PAK2: variants seen among roughly 807,000 people sequenced by gnomAD.
PAK2 encodes the protein serine/threonine-protein kinase PAK 2.
A neutral mutation model predicts 65.9 loss-of-function variants in PAK2; 21 were observed. The observed-to-expected ratio is 0.32, with a 90% CI of 0.23 to 0.46. The LOEUF is 0.46. PAK2 is among the 20% of genes least tolerant of loss of function. The pLI is 1.00. For synonymous variants in PAK2, 204 were observed against 219.7 expected, an observed-to-expected ratio of 0.93 and a Z score of 0.63; for missense variants, 324 against 642.6, an observed-to-expected ratio of 0.50 and a Z score of 5.36.
At chr3:196,807,496 A>G (rs1229136538) in intron 6 of PAK2, among the ~76,000 whole-genome samples, 4 of 152,178 alleles carry the variant, frequency 2.6e-5, no homozygotes, top group East Asian at 1.9e-4. Flanking sequence ...TTTTTGATAC[A>G]TTGTTATACC....
chr3:196,756,485 T>G (rs562607842), intron 1 of PAK2, among the ~76,000 whole-genome samples: 1 of 152,300 alleles, frequency 6.6e-6, no homozygotes, highest in South Asian at 2.1e-4. Context: ...AACTGAGACT[T>G]AACTCTTTTA....
At chr3:196,776,033 G>GAGT (rs1409355213) in intron 1 of PAK2, among the ~76,000 whole-genome samples, 1 of 152,176 alleles carries the variant, frequency 6.6e-6, no homozygotes, top group East Asian at 1.9e-4. Flanking sequence ...GGTAAAGATG[G>GAGT]AGTACGCTTT....
intron 1 of PAK2, among the ~76,000 whole-genome samples, chr3:196,765,046 G>A (rs563605891): frequency 4.0e-5 from 6 of 150,382 alleles, no homozygotes; most frequent in African/African-American, 4.9e-5. Flanking sequence ...AGGTTTCACC[G>A]TGTTAGCCAG....
At position 196,820,319 on chromosome 3, in the gene PAK2, C is replaced by A. The variant is rs1711606441; in HGVS notation, c.1154-52C>A. Reference sequence around the variant, plus strand: ...ATTACATAATCTGAAGTGAACTCTTCTGCTAAAACCATCCATGGAAGCCAT... The same window carrying A: ...ATTACATAATCTGAAGTGAACTCTTATGCTAAAACCATCCATGGAAGCCAT... On this transcript the variant is annotated intron_variant, in intron 12 of 14. Coordinates refer to ENST00000327134, the MANE Select transcript of PAK2 (RefSeq NM_002577.4). This position sits in a 1 kb window ranked among gnomAD's most constrained non-coding sequence, Gnocchi z 4.6. 2.8e-6 allele frequency: 3 copies of A among 1,070,396 alleles called. No homozygotes were observed. The highest frequency in any genetic ancestry group is 2.6e-5 in the East Asian group (1 of 38,458). 66.3% of individuals were successfully genotyped at this position (1,070,396 alleles called of 1,614,324 possible).
At chr3:196,751,616 C>T (rs1248029041) in intron 1 of PAK2, among the ~76,000 whole-genome samples, 1 of 141,890 alleles carries the variant, frequency 7.0e-6, no homozygotes, top group Non-Finnish European at 1.5e-5. Context: ...CACTGCAGTC[C>T]AGCCTGGGTG....
intron 13 of PAK2, among the ~76,000 whole-genome samples, chr3:196,825,440 A>G (rs112097342): frequency 0.049 from 7,427 of 150,780 alleles, 676 homozygotes; most frequent in African/African-American, 0.17. Flanking sequence ...TTGGGAGTTT[A>G]AGACCAGCCT....
intron 2 of PAK2, among the ~76,000 whole-genome samples, chr3:196,800,306 C>T (rs1393079420): frequency 3.9e-5 from 6 of 152,002 alleles, no homozygotes; most frequent in African/African-American, 9.7e-5. Flanking sequence ...TGCTTGAACC[C>T]GGGAGGCAGA....
At position 196,775,278 on chromosome 3, in the gene PAK2, C is replaced by T. The variant is rs187226214; in HGVS notation, c.-21-7348C>T. On this transcript the variant is annotated intron_variant, in intron 1 of 14. Coordinates refer to ENST00000327134, the MANE Select transcript of PAK2 (RefSeq NM_002577.4). ...ATAGTGTGTAGTCACTAAAAAGTTC[C>T]GAAAAACACAACGCTGTGGTTCCTC... is the stretch of plus-strand genomic sequence containing the variant. Among the ~76,000 whole-genome samples, 287 of 152,170 alleles carry T rather than the reference C, an allele frequency of 1.9e-3. 2 individuals are homozygous for T. Among genetic ancestry groups the T allele is most frequent in the Admixed American group, 0.012 (182 of 15,280 alleles).
intron 13 of PAK2, among the ~76,000 whole-genome samples, chr3:196,826,647 C>T (rs1711887205): frequency 1.3e-5 from 2 of 151,880 alleles, no homozygotes. Context: ...ATGGGCTGGG[C>T]ACAGTGGCTC....
intron 3 of PAK2, among the ~76,000 whole-genome samples, chr3:196,802,713 G>A (rs1027379842): frequency 1.3e-5 from 2 of 151,946 alleles, no homozygotes; most frequent in African/African-American, 2.4e-5. Context: ...GCGTGGTGGC[G>A]GGCACCTGTA....
At chr3:196,748,376 G>T (rs1027358479) in intron 1 of PAK2, among the ~76,000 whole-genome samples, 5 of 152,124 alleles carry the variant, frequency 3.3e-5, no homozygotes, top group Admixed American at 6.5e-5. Context: ...GGGTTTGCTC[G>T]TATGGTATTG....
At chr3:196,751,663 T>TATATATATATATATATA (rs1713589849) in intron 1 of PAK2, among the ~76,000 whole-genome samples, 961 of 45,228 alleles carry the variant, frequency 0.021, 124 homozygotes, top group Non-Finnish European at 0.025. Context: ...ACACACAAAT[T>TATATATATATATATATA]TATTTATATA....
chr3:196,805,362 C>A lies in PAK2; in HGVS notation c.447C>A (p.Gly149=). 1.4e-6 allele frequency: 2 copies of A among 1,452,680 alleles called. No homozygotes were observed. The highest frequency in any genetic ancestry group is 1.9e-6 in the Non-Finnish European group (2 of 1,067,356). 90.0% of individuals were successfully genotyped at this position (1,452,680 alleles called of 1,614,324 possible). The part of the protein sequence containing the change: ...YLSFTPPEKD[G]FPSGTPALNA... ...TTGTTTCATATTCAGAGAAAGATGG[C>A]TTTCCTTCTGGAACACCAGCAGTAA... Residue 149 remains glycine (G), a synonymous_variant, in exon 5 of 15, where the codon GGC becomes GGA. Transcript: ENST00000327134.
At chr3:196,767,873 A>G (rs1577708493) in intron 1 of PAK2, among the ~76,000 whole-genome samples, 1 of 152,082 alleles carries the variant, frequency 6.6e-6, no homozygotes. Flanking sequence ...ACTTGTGTCT[A>G]TACATAGGGG....
intron 11 of PAK2, among the ~76,000 whole-genome samples, chr3:196,816,751 C>T (rs1312192279): frequency 3.3e-5 from 5 of 152,202 alleles, no homozygotes; most frequent in Non-Finnish European, 5.9e-5. Context: ...AGCTAACTTA[C>T]ACCCGTAGTT....
At chr3:196,743,333 T>G (rs551622517) in intron 1 of PAK2, among the ~76,000 whole-genome samples, 15 of 152,218 alleles carry the variant, frequency 9.9e-5, no homozygotes, top group Non-Finnish European at 1.8e-4. Flanking sequence ...TTTGAATTCT[T>G]GCTGTTCTAC....
intron 2 of PAK2, among the ~76,000 whole-genome samples, chr3:196,786,753 T>C (rs1211060398): frequency 6.6e-6 from 1 of 152,190 alleles, no homozygotes; most frequent in African/African-American, 2.4e-5. Context: ...TGTTCTCTGC[T>C]TTATTCCATT....
At chr3:196,748,892 G>A (rs1380302243) in intron 1 of PAK2, among the ~76,000 whole-genome samples, 2 of 152,074 alleles carry the variant, frequency 1.3e-5, no homozygotes, top group Non-Finnish European at 2.9e-5. Context: ...ATCCATCTCC[G>A]AAACTTTCCA....
At position 196,805,382 on chromosome 3, in the gene PAK2, C is replaced by A; in HGVS notation, c.467C>A (p.Ala156Glu). ...EKDGFPSGTP[A>E]LNAKGTEAPA... Reference sequence around the variant, plus strand: ...GATGGCTTTCCTTCTGGAACACCAGCAGTAAGTTAATTATATTATTTCTTG... The same window carrying A: ...GATGGCTTTCCTTCTGGAACACCAGAAGTAAGTTAATTATATTATTTCTTG... The change falls in exon 5 of 15, where the codon GCA becomes GAA. Residue 156 changes from alanine to glutamate, a missense_variant and splice_region_variant. Around this residue, in one of 5 missense-constraint regions of PAK2, gnomAD observed 183 missense variants for 246.2 expected, o/e 0.74. Coordinates refer to ENST00000327134, the MANE Select transcript of PAK2 (RefSeq NM_002577.4). 7.2e-7 allele frequency: 1 copy of A among 1,381,974 alleles called. No homozygotes were observed. The highest frequency in any genetic ancestry group is 9.9e-7 in the Non-Finnish European group (1 of 1,005,260). The allele number at this position is 1,381,974 out of a possible 1,614,324, so 85.6% of individuals were successfully genotyped here.
Sources: allele counts gnomAD v4.1 joint callset (sites outside exome capture counted in the v4.1 genomes callset), GRCh38; gene constraint gnomAD v4.1.1; regional missense constraint gnomAD v4.1.1; non-coding constraint Gnocchi (gnomAD v3.1); transcripts MANE v1.5; gene names NCBI Gene and HGNC (gene_info 2026-07-23, HGNC 2026-07-21).